UGGT1: variants seen among roughly 807,000 people sequenced by gnomAD.
UGGT1 encodes the protein UDP-glucose glycoprotein glucosyltransferase 1, also known as UDP-glucose:glycoprotein glucosyltransferase 1.
Under a neutral mutation model 203.9 loss-of-function variants are expected in UGGT1, and 107 were observed. The observed-to-expected ratio is 0.52, with a 90% CI of 0.45 to 0.62. The LOEUF is 0.62. UGGT1 is among the 20% of genes least tolerant of loss of function. UGGT1 has a pLI of 0.00. For synonymous variants in UGGT1, 628 were observed against 653.5 expected (o/e 0.96, Z 0.59); for missense variants, 1,673 against 1,867.2 (o/e 0.90, Z 1.92).
At chr2:128,186,916 CT>C in intron 39 of UGGT1, 117 bp downstream of exon 39, 1 of 763,494 alleles carries the variant, frequency 1.3e-6, no homozygotes, top group Non-Finnish European at 2.1e-6. Flanking sequence ...CTTATTTAGA[CT>C]TTCTCTGTAA....
In UGGT1 at chr2:128,182,196, C is replaced by T; in HGVS notation, c.4150C>T (p.Pro1384Ser). ...NLDGAPYGYT[P>S]FCDSRREMDG... ...GGATGGTGCTCCTTATGGTTACACT[C>T]CTTTCTGTGACAGCCGAAGAGAAAT... The change falls in exon 37 of 41, where the codon CCT (proline) becomes TCT (serine). Residue 1384 changes from proline to serine, a missense_variant. Pro to Ser is a moderately conservative substitution (Grantham distance 74). This residue lies in a region of UGGT1 where 513 missense variants were observed against 684.1 expected (regional missense o/e 0.75). Transcript: ENST00000259253. The T allele has an allele frequency of 6.2e-7, 1 of 1,614,176 alleles. No homozygotes were observed. Among genetic ancestry groups the T allele is most frequent in the Admixed American group, 1.7e-5 (1 of 60,024 alleles).
At chr2:128,100,027 C>CA (rs1437849739) in intron 2 of UGGT1, among the ~76,000 whole-genome samples, 1 of 53,040 alleles carries the variant, frequency 1.9e-5, no homozygotes, top group African/African-American at 5.6e-5. Context: ...AACCCCCCCC[C>CA]CCACCCTACT....
chr2:128,182,698 CAA>C (rs70988612), intron 37 of UGGT1, among the ~76,000 whole-genome samples: 5 of 118,324 alleles, frequency 4.2e-5, no homozygotes, highest in African/African-American at 6.4e-5. Context: ...GATTCCATCT[CAA>C]AAAAAAAAAA....
intron 14 of UGGT1, among the ~76,000 whole-genome samples, chr2:128,134,538 C>T (rs1689039349): frequency 6.6e-6 from 1 of 152,176 alleles, no homozygotes; most frequent in Non-Finnish European, 1.5e-5. Flanking sequence ...CAGAGATCCT[C>T]AGAAATGAAT....
At chr2:128,107,715 C>T (rs185936170) in intron 3 of UGGT1, among the ~76,000 whole-genome samples, 85 of 152,176 alleles carry the variant, frequency 5.6e-4, no homozygotes, top group East Asian at 1.5e-3. Context: ...GGGAAAATAG[C>T]GGTCCAGGGG....
intron 37 of UGGT1, 150 bp downstream of exon 37, chr2:128,182,440 C>A: frequency 9.4e-7 from 1 of 1,061,194 alleles, no homozygotes; most frequent in Non-Finnish European, 1.3e-6. Context: ...TGGCTCATGC[C>A]TTAATCCCAG....
At chr2:128,161,839 A>G (rs1041617190) in intron 25 of UGGT1, among the ~76,000 whole-genome samples, 1 of 152,204 alleles carries the variant, frequency 6.6e-6, no homozygotes, top group Non-Finnish European at 1.5e-5. Context: ...CCTGGAGTCC[A>G]TTGTTACATA....
Position 128,183,333 on chromosome 2 carries a change from T to C in UGGT1, c.4245-342T>C, listed in dbSNP as rs369726566. On this transcript the variant is annotated intron_variant, in intron 37 of 40. Transcript: ENST00000259253. ...TAACACTCTGGGGTTTTCCCCCCCCTGTAACATTGAAGACATCATCAGGAT... is the reference window on the plus strand; with the variant it reads ...TAACACTCTGGGGTTTTCCCCCCCCCGTAACATTGAAGACATCATCAGGAT... Among the ~76,000 whole-genome samples, 629 of 151,474 alleles carry C rather than the reference T, an allele frequency of 4.2e-3. 6 individuals are homozygous for C. The highest frequency in any genetic ancestry group is 0.013 in the African/African-American group (551 of 40,938).
intron 13 of UGGT1, 114 bp downstream of exon 13, chr2:128,129,293 G>A: frequency 7.8e-7 from 1 of 1,289,852 alleles, no homozygotes; most frequent in African/African-American, 1.5e-5. Context: ...TTGTTGGTGT[G>A]AAAGATTTAT....
At chr2:128,186,615 T>G (rs1053825558) in intron 38 of UGGT1, 68 bp from the exon 39 acceptor site, 44 of 1,353,734 alleles carry the variant, frequency 3.3e-5, no homozygotes, top group Middle Eastern at 2.1e-4. Context: ...TCTCAATAAA[T>G]AAATAAATAA....
chr2:128,119,603 A>G (rs1688281336), intron 8 of UGGT1, among the ~76,000 whole-genome samples: 1 of 152,212 alleles, frequency 6.6e-6, no homozygotes, highest in Non-Finnish European at 1.5e-5. Context: ...GTTAGCCTAA[A>G]TTGTATTCAT....
At chr2:128,187,342 A>C in intron 39 of UGGT1, 107 bp from the exon 40 acceptor site, 3 of 1,245,746 alleles carry the variant, frequency 2.4e-6, no homozygotes, top group Non-Finnish European at 2.2e-6. Context: ...TTGGTTCCTT[A>C]CTATTGTTTT....
intron 26 of UGGT1, among the ~76,000 whole-genome samples, chr2:128,165,280 C>T (rs192749564): frequency 1.3e-3 from 192 of 152,212 alleles, no homozygotes; most frequent in African/African-American, 4.3e-3. Context: ...AAAACATTAG[C>T]TGGGTGTGGT....
At chr2:128,132,564 AC>A (rs1365856648) in intron 13 of UGGT1, among the ~76,000 whole-genome samples, 5 of 152,130 alleles carry the variant, frequency 3.3e-5, no homozygotes, top group Admixed American at 3.3e-4. Flanking sequence ...AAACAAACAA[AC>A]AAAAAAAATT....
At chr2:128,187,800 GTGC>G (rs1692059025) in intron 40 of UGGT1, among the ~76,000 whole-genome samples, 186 bp downstream of exon 40, 4 of 150,570 alleles carry the variant, frequency 2.7e-5, no homozygotes, top group African/African-American at 7.4e-5. Context: ...GTATTTATTA[GTGC>G]AATTGCTATG....
At chr2:128,119,710 T>C (rs1267095996) in intron 8 of UGGT1, among the ~76,000 whole-genome samples, 1 of 152,094 alleles carries the variant, frequency 6.6e-6, no homozygotes, top group Non-Finnish European at 1.5e-5. Context: ...GAAATTACAG[T>C]GATTCACAAA....
At chr2:128,158,450 A>G (rs925735968) in intron 22 of UGGT1, among the ~76,000 whole-genome samples, 1 of 152,188 alleles carries the variant, frequency 6.6e-6, no homozygotes, top group African/African-American at 2.4e-5. Context: ...CTTTTAGTTT[A>G]TTAAAATGGA....
intron 18 of UGGT1, 27 bp from the exon 19 acceptor site, chr2:128,152,757 C>G (rs201372680): frequency 2.0e-5 from 32 of 1,583,514 alleles, no homozygotes; most frequent in East Asian, 6.8e-5. Flanking sequence ...TACCCTCCCC[C>G]CTCAACCTCC....
chr2:128,152,707 T>G, intron 18 of UGGT1, 77 bp from the exon 19 acceptor site: 1 of 1,536,620 alleles, frequency 6.5e-7, no homozygotes, highest in Non-Finnish European at 8.7e-7. Flanking sequence ...AGTTAATAAT[T>G]TTTTGGTTCC....
Sources: gnomAD v4.1 joint callset for allele counts (sites outside exome capture counted in the v4.1 genomes callset) on GRCh38, gnomAD v4.1.1 for gene constraint, gnomAD v4.1.1 regional missense constraint, MANE v1.5 for transcripts, NCBI Gene and HGNC (gene_info 2026-07-23, HGNC 2026-07-21) for gene names.